AGMO: variants seen among roughly 807,000 people sequenced by gnomAD.
The protein encoded by AGMO is alkylglycerol monooxygenase.
In AGMO, 75 loss-of-function variants were observed where a neutral mutation model predicts 60.2. That is an observed-to-expected ratio of 1.25 (90% CI 1.03 to 1.51). The LOEUF is 1.51. Among genes scored for constraint, AGMO ranks in the 40% most tolerant of loss-of-function variants. AGMO has a pLI of 0.00. For missense variants in AGMO, 763 were observed against 525.5 expected (o/e 1.45, Z -4.42); for synonymous variants, 261 against 177.1 (o/e 1.47, Z -3.76).
At chr7:15,205,880 T>C (rs76151322) in intron 12 of AGMO, among the ~76,000 whole-genome samples, 1,753 of 152,190 alleles carry the variant, frequency 0.012, 24 homozygotes, top group African/African-American at 0.041. Flanking sequence ...TTCTGTAGTA[T>C]CAGTGAGGTT....
At chr7:15,183,401 A>C in the AGMO span, among the ~76,000 whole-genome samples, 1 of 152,186 alleles carries the variant, frequency 6.6e-6, no homozygotes, top group Non-Finnish European at 1.5e-5. Context: ...TACCTATCAT[A>C]ATATTCTGAT....
chr7:15,362,241 A>C (rs1355768758), intron 12 of AGMO, among the ~76,000 whole-genome samples: 2 of 152,180 alleles, frequency 1.3e-5, no homozygotes, highest in African/African-American at 4.8e-5. Flanking sequence ...TGAAATTCAT[A>C]ATTAATAATA....
At chr7:15,548,428 G>C (rs1340398102) in intron 2 of AGMO, among the ~76,000 whole-genome samples, 1 of 151,582 alleles carries the variant, frequency 6.6e-6, no homozygotes, top group Non-Finnish European at 1.5e-5. Context: ...AAAAAATTTA[G>C]AAGAATGTAT....
At chr7:15,442,355 G>T (rs11977850) in intron 3 of AGMO, among the ~76,000 whole-genome samples, 54,562 of 151,966 alleles carry the variant, frequency 0.36, 11,135 homozygotes, top group Non-Finnish European at 0.48. Flanking sequence ...TTTAAAGGTG[G>T]CATACTAATG....
At chr7:15,327,935 T>TA (rs1385367120) in intron 12 of AGMO, among the ~76,000 whole-genome samples, 1,610 of 147,650 alleles carry the variant, frequency 0.011, 17 homozygotes, top group African/African-American at 0.034. Context: ...CGGGCTAATT[T>TA]AAAAAAAAAA....
intron 12 of AGMO, among the ~76,000 whole-genome samples, chr7:15,280,102 G>C (rs866009629): frequency 1.2e-4 from 18 of 152,256 alleles, no homozygotes; most frequent in Middle Eastern, 3.4e-3. Flanking sequence ...CTGTAGCCAC[G>C]AGCACAGAAA....
chr7:15,550,338 G>C (rs1236423965), intron 2 of AGMO, among the ~76,000 whole-genome samples: 7 of 152,060 alleles, frequency 4.6e-5, no homozygotes, highest in Non-Finnish European at 8.8e-5. Flanking sequence ...GAAGGAAATA[G>C]AGACACAAAA....
intron 2 of AGMO, among the ~76,000 whole-genome samples, chr7:15,558,418 T>G (rs1785208385): frequency 1.3e-5 from 2 of 152,068 alleles, no homozygotes; most frequent in East Asian, 1.9e-4. Context: ...TACACTTAAC[T>G]TTCTGAGAAT....
intron 3 of AGMO, among the ~76,000 whole-genome samples, chr7:15,437,903 G>A (rs76454839): frequency 0.092 from 13,958 of 152,088 alleles, 775 homozygotes; most frequent in South Asian, 0.15. Context: ...GTCTTTAGGA[G>A]TCACTTTAGG....
intron 12 of AGMO, among the ~76,000 whole-genome samples, chr7:15,364,749 T>C (rs1042177815): frequency 3.9e-5 from 6 of 152,022 alleles, no homozygotes; most frequent in Admixed American, 6.6e-5. Flanking sequence ...ATAATGAAAG[T>C]GTATATACTG....
At chr7:15,531,633 C>CTATATATATTCTATATATATATTA in intron 3 of AGMO, among the ~76,000 whole-genome samples, 1 of 117,650 alleles carries the variant, frequency 8.5e-6, no homozygotes, top group Non-Finnish European at 1.7e-5. Context: ...TATATATATT[C>CTATATATATTCTATATATATATTA]TATATATATA....
the AGMO span, among the ~76,000 whole-genome samples, chr7:15,162,571 A>G: frequency 6.6e-6 from 1 of 152,082 alleles, no homozygotes; most frequent in African/African-American, 2.4e-5. Flanking sequence ...GCATGCACCT[A>G]TAGTCCCAGT....
At chr7:15,442,891 G>T (rs1583557549) in intron 3 of AGMO, among the ~76,000 whole-genome samples, 1 of 152,274 alleles carries the variant, frequency 6.6e-6, no homozygotes, top group East Asian at 1.9e-4. Context: ...TCAAGAGGAA[G>T]GCACTGATGT....
chr7:15,367,037 T>C (rs1306623000), intron 10 of AGMO, among the ~76,000 whole-genome samples: 3 of 152,026 alleles, frequency 2.0e-5, no homozygotes, highest in Non-Finnish European at 4.4e-5. Context: ...TTTTTTATTG[T>C]TTAAAATTCT....
At chr7:15,394,743 C>T (rs1376906216) in intron 5 of AGMO, among the ~76,000 whole-genome samples, 1 of 152,192 alleles carries the variant, frequency 6.6e-6, no homozygotes, top group Non-Finnish European at 1.5e-5. Flanking sequence ...GCAGCAACGA[C>T]TTACTATTGC....
At chr7:15,365,816 T>G (rs948837092) in intron 11 of AGMO, among the ~76,000 whole-genome samples, 197 bp from the exon 12 acceptor site, 1 of 152,068 alleles carries the variant, frequency 6.6e-6, no homozygotes, top group African/African-American at 2.4e-5. Context: ...CTGTTCTTCA[T>G]CAACATATTG....
chr7:15,254,409 G>C (rs1262087857), intron 12 of AGMO, among the ~76,000 whole-genome samples: 1 of 151,786 alleles, frequency 6.6e-6, no homozygotes, highest in Non-Finnish European at 1.5e-5. Flanking sequence ...TACTTTTTTT[G>C]TTATTTGATA....
intron 8 of AGMO, among the ~76,000 whole-genome samples, chr7:15,389,535 A>G (rs1372133544): frequency 6.6e-6 from 1 of 152,086 alleles, no homozygotes; most frequent in African/African-American, 2.4e-5. Flanking sequence ...AGAGATAACC[A>G]CCTTTCTTCT....
chr7:15,186,182 G>C, the AGMO span, among the ~76,000 whole-genome samples: 1 of 152,164 alleles, frequency 6.6e-6, no homozygotes, highest in Non-Finnish European at 1.5e-5. Flanking sequence ...TTGGTAATAA[G>C]CCACTTTGTA....
Sources: allele counts gnomAD v4.1 joint callset (sites outside exome capture counted in the v4.1 genomes callset), GRCh38; gene constraint gnomAD v4.1.1; transcripts MANE v1.5; gene names NCBI Gene and HGNC (gene_info 2026-07-23, HGNC 2026-07-21).